TANC2: variants seen among roughly 807,000 people sequenced by gnomAD.
TANC2 encodes the protein tetratricopeptide repeat, ankyrin repeat and coiled-coil containing 2.
TANC2 carries 26 observed loss-of-function variants against 210.5 expected under a neutral mutation model. The ratio of observed to expected loss-of-function variants is 0.12; its 90% confidence interval spans 0.09 to 0.17. TANC2 has a LOEUF of 0.17. TANC2 is among the 10% of genes least tolerant of loss of function. The pLI is 1.00. For missense variants in TANC2, 2,129 were observed against 2,608.9 expected (o/e 0.82, Z 4.01); for synonymous variants, 931 against 967.1 (o/e 0.96, Z 0.69).
chr17:63,179,990 AAAAG>A (rs1164150523), intron 5 of TANC2, among the ~76,000 whole-genome samples: 4 of 151,408 alleles, frequency 2.6e-5, no homozygotes, highest in South Asian at 2.1e-4. Flanking sequence ...AAAAAAAAAA[AAAAG>A]CCTTGGTGTG....
At chr17:62,979,490 A>T (rs2032193491) in intron 1 of TANC2, among the ~76,000 whole-genome samples, 4 of 152,172 alleles carry the variant, frequency 2.6e-5, no homozygotes, top group Admixed American at 2.6e-4. Context: ...ATTAACCTTG[A>T]TACTTTTCTG....
chr17:63,176,394 A>G (rs2040581473), intron 5 of TANC2, among the ~76,000 whole-genome samples: 1 of 152,240 alleles, frequency 6.6e-6, no homozygotes, highest in Admixed American at 6.5e-5. Flanking sequence ...CAACATGACG[A>G]TCTGTAAAAC....
chr17:63,185,309 T>C (rs1027941555), intron 5 of TANC2, among the ~76,000 whole-genome samples: 6 of 151,524 alleles, frequency 4.0e-5, no homozygotes, highest in Admixed American at 3.9e-4. Flanking sequence ...GCCAGGCTAG[T>C]CTTGAACTTC....
chr17:62,979,998 C>T (rs1012676275), intron 1 of TANC2, among the ~76,000 whole-genome samples: 2 of 152,182 alleles, frequency 1.3e-5, no homozygotes, highest in African/African-American at 4.8e-5. Flanking sequence ...TTGGCTTGAA[C>T]CTTCTCTTTC....
chr17:63,417,064 G>T (rs778323367), intron 26 of TANC2, among the ~76,000 whole-genome samples: 10 of 152,192 alleles, frequency 6.6e-5, no homozygotes, highest in African/African-American at 2.2e-4. Flanking sequence ...AAATAAAAGG[G>T]TAAGGCTGGA....
chr17:63,011,237 G>A (rs1285409241), intron 2 of TANC2, among the ~76,000 whole-genome samples: 2 of 151,750 alleles, frequency 1.3e-5, no homozygotes, highest in Admixed American at 6.6e-5. Flanking sequence ...GTGTGTGTGT[G>A]TGTGTTTTTT....
intron 2 of TANC2, among the ~76,000 whole-genome samples, chr17:63,041,414 G>T (rs1204620532): frequency 6.6e-6 from 1 of 152,086 alleles, no homozygotes; most frequent in Non-Finnish European, 1.5e-5. Flanking sequence ...ACAAGATACA[G>T]CAGCCTCGAA....
At chr17:63,048,965 G>A (rs1435676141) in intron 2 of TANC2, among the ~76,000 whole-genome samples, 1 of 152,112 alleles carries the variant, frequency 6.6e-6, no homozygotes, top group Non-Finnish European at 1.5e-5. Flanking sequence ...GATAAGGAGA[G>A]TAAGTCAGAT....
intron 11 of TANC2, among the ~76,000 whole-genome samples, chr17:63,321,918 A>T (rs1193511041): frequency 6.6e-6 from 1 of 151,948 alleles, no homozygotes; most frequent in Non-Finnish European, 1.5e-5. Flanking sequence ...AGGTCCCTTC[A>T]CCCTTCTCTT....
intron 4 of TANC2, among the ~76,000 whole-genome samples, chr17:63,135,308 A>G (rs1019078746): frequency 1.3e-5 from 2 of 152,228 alleles, no homozygotes; most frequent in African/African-American, 4.8e-5. Flanking sequence ...GCATAGATTG[A>G]ATTTGTAAAT....
intron 9 of TANC2, among the ~76,000 whole-genome samples, chr17:63,278,227 AT>A (rs1189338942): frequency 6.6e-6 from 1 of 152,138 alleles, no homozygotes; most frequent in Non-Finnish European, 1.5e-5. Context: ...TTTTCAAACC[AT>A]GTATCTGATA....
rs566757428 is a variant in TANC2, at chr17:63,041,463, G to A, written c.67+31837G>A. ...AGAGGCTTCTACAGCAGCCTGGGTG[G>A]TTAGTATCACATAAAAACAAAAATG... is the stretch of plus-strand genomic sequence containing the variant. On this transcript the variant is annotated intron_variant, in intron 2 of 27. Transcript: ENST00000689528. Among the ~76,000 whole-genome samples the A allele has an allele frequency of 3.3e-5, 5 of 152,250 alleles. No individual in the cohort carries two copies. The South Asian group carries it at 1.0e-3, about 32-fold the overall frequency.
chr17:63,077,564 AT>A (rs1568365862), intron 3 of TANC2, among the ~76,000 whole-genome samples: 3 of 152,214 alleles, frequency 2.0e-5, no homozygotes, highest in Admixed American at 6.5e-5. Context: ...GATGCAATTA[AT>A]TGTCTTTAGA....
intron 2 of TANC2, among the ~76,000 whole-genome samples, chr17:63,020,426 C>T (rs2034299121): frequency 6.6e-6 from 1 of 151,976 alleles, no homozygotes; most frequent in South Asian, 2.1e-4. Context: ...GCCTCAGCCT[C>T]CTGAGTAGCT....
At chr17:63,116,857 G>A (rs765193018) in intron 4 of TANC2, among the ~76,000 whole-genome samples, 7 of 152,144 alleles carry the variant, frequency 4.6e-5, no homozygotes, top group Non-Finnish European at 7.4e-5. Context: ...TGGAGATACT[G>A]CAGACCTATA....
At chr17:63,409,260 C>A (rs1469747957) in intron 21 of TANC2, among the ~76,000 whole-genome samples, 1 of 152,080 alleles carries the variant, frequency 6.6e-6, no homozygotes, top group African/African-American at 2.4e-5. Flanking sequence ...AAGCCTGGAA[C>A]CCCTGGGCTC....
intron 19 of TANC2, among the ~76,000 whole-genome samples, chr17:63,401,379 A>G (rs1256825343): frequency 6.6e-6 from 1 of 152,240 alleles, no homozygotes; most frequent in East Asian, 1.9e-4. Flanking sequence ...GAAACTATGT[A>G]GCCATTATTT....
intron 9 of TANC2, among the ~76,000 whole-genome samples, chr17:63,268,822 G>T (rs879545326): frequency 1.3e-5 from 2 of 152,258 alleles, no homozygotes. Flanking sequence ...TACAGTGATG[G>T]TCTAGTTGAG....
At chr17:63,224,170 A>G (rs2042267981) in intron 7 of TANC2, among the ~76,000 whole-genome samples, 1 of 151,920 alleles carries the variant, frequency 6.6e-6, no homozygotes, top group Non-Finnish European at 1.5e-5. Flanking sequence ...CCATCTTGCC[A>G]CTAGAAACAT....
Sources: allele counts gnomAD v4.1 joint callset (sites outside exome capture counted in the v4.1 genomes callset), GRCh38; gene constraint gnomAD v4.1.1; transcripts MANE v1.5; gene names NCBI Gene and HGNC (gene_info 2026-07-23, HGNC 2026-07-21).